Variants in BFSP2 observed in about 807,000 individuals in gnomAD.
BFSP2 encodes phakinin.
A neutral mutation model predicts 44.9 loss-of-function variants in BFSP2; 38 were observed. The ratio of observed to expected loss-of-function variants is 0.85; its 90% CI spans 0.65 to 1.11. The LOEUF (loss-of-function observed/expected upper bound fraction) is 1.11, where lower values mean the gene tolerates loss of function less well. Ranked by LOEUF, BFSP2 falls within the 50% of genes least tolerant of loss-of-function variation. BFSP2 has a pLI of 0.00. For missense variants in BFSP2, 525 were observed against 533.0 expected, an observed-to-expected ratio of 0.99 and a Z score of 0.15; for synonymous variants, 197 against 209.9, an observed-to-expected ratio of 0.94 and a Z score of 0.53.
intron 1 of BFSP2, among the ~76,000 whole-genome samples, chr3:133,431,425 C>T (rs2073716567): frequency 6.6e-6 from 1 of 152,160 alleles, no homozygotes; most frequent in Admixed American, 6.5e-5. Context: ...AATCTGACCA[C>T]CAGGCCAAGG....
chr3:133,414,715 C>G (rs80073401), intron 1 of BFSP2, among the ~76,000 whole-genome samples: 1 of 15,402 alleles, frequency 6.5e-5, no homozygotes, highest in Non-Finnish European at 1.5e-4. Flanking sequence ...CACCACTGCC[C>G]TATCCCCTCT....
At chr3:133,404,611 C>A (rs550719763) in intron 1 of BFSP2, among the ~76,000 whole-genome samples, 1 of 152,264 alleles carries the variant, frequency 6.6e-6, no homozygotes, top group East Asian at 1.9e-4. Context: ...CATGAGCATC[C>A]CCATTCCCCA....
rs186574158 is a variant in BFSP2, at chr3:133,450,394, C to A, written c.821C>A (p.Thr274Lys). The A allele has an allele frequency of 6.2e-7, 1 of 1,614,098 alleles. No homozygotes were observed. The highest frequency in any genetic ancestry group is 1.1e-5 in the South Asian group (1 of 91,080). Reference sequence around the variant, plus strand: ...ACTGGTCTGGACGACATCCTTGAGACGATCAGAATTCAGTGGGAGAGAGAT... The same window carrying A: ...ACTGGTCTGGACGACATCCTTGAGAAGATCAGAATTCAGTGGGAGAGAGAT... The part of the protein sequence containing the change: ...IGTGLDDILE[T>K]IRIQWERDVE... Residue 274 changes from threonine to lysine, a missense_variant, in exon 4 of 7, where the codon ACG becomes AAG. Coordinates refer to ENST00000302334, the MANE Select transcript of BFSP2 (RefSeq NM_003571.4).
intron 1 of BFSP2, among the ~76,000 whole-genome samples, chr3:133,414,717 ATCCCCTCTACTTACCCCTGCCATT>A (rs2073494832): frequency 1.1e-4 from 1 of 9,400 alleles, no homozygotes; most frequent in Non-Finnish European, 1.9e-4. Context: ...CCACTGCCCT[ATCCCCTCTACTTACCCCTGCCATT>A]TCCCCTCTAC....
chr3:133,466,972 A>G lies in BFSP2; in HGVS notation c.1023+13A>G. On this transcript the variant is annotated intron_variant, in intron 5 of 6. Transcript: ENST00000302334. ...CTTACGTGCCCTGGTAAGTGGGCCA[A>G]GGAAAGACCTGGTGTCCTTGTGCTA... The G allele has an allele frequency of 6.2e-7, 1 of 1,613,772 alleles. No individual in the cohort carries two copies. The highest frequency in any genetic ancestry group is 1.1e-5 in the South Asian group (1 of 91,060).
intron 1 of BFSP2, among the ~76,000 whole-genome samples, chr3:133,405,254 G>A (rs2073394890): frequency 6.6e-6 from 1 of 152,194 alleles, no homozygotes; most frequent in Admixed American, 6.5e-5. Flanking sequence ...GGTCTCCATG[G>A]GAGAAAACTG....
intron 1 of BFSP2, among the ~76,000 whole-genome samples, chr3:133,423,330 C>T (rs1326737589): frequency 6.6e-6 from 1 of 152,158 alleles, no homozygotes; most frequent in African/African-American, 2.4e-5. Flanking sequence ...TGAATTCCAA[C>T]GTCCTGTACT....
Position 133,431,640 on chromosome 3 carries a change from C to T in BFSP2, c.490-15677C>T, listed in dbSNP as rs190884574. On this transcript the variant is annotated intron_variant, in intron 1 of 6. Coordinates refer to ENST00000302334, the MANE Select transcript of BFSP2 (RefSeq NM_003571.4). ...CAGAAGCCCCGCAGACCATCACGGA[C>T]GCCGAGCTTTAGGTAACTCTCACAG... 5.1e-4 allele frequency among the ~76,000 whole-genome samples: 77 copies of T among 152,250 alleles called. 2 individuals are homozygous for T. The highest frequency in any genetic ancestry group is 1.3e-3 in the African/African-American group (54 of 41,526).
chr3:133,468,456 C>G (rs925915522), intron 5 of BFSP2, among the ~76,000 whole-genome samples: 5 of 152,178 alleles, frequency 3.3e-5, no homozygotes, highest in African/African-American at 1.2e-4. Context: ...AGGGATAACT[C>G]TTCTCTGTAT....
At chr3:133,452,106 T>G (rs2073970988) in intron 4 of BFSP2, among the ~76,000 whole-genome samples, 1 of 152,338 alleles carries the variant, frequency 6.6e-6, no homozygotes, top group South Asian at 2.1e-4. Flanking sequence ...AGAGGGACTT[T>G]GTGATTTTTA....
At chr3:133,441,214 T>A (rs1203225246) in intron 1 of BFSP2, among the ~76,000 whole-genome samples, 2 of 152,086 alleles carry the variant, frequency 1.3e-5, no homozygotes, top group Admixed American at 1.3e-4. Context: ...TTTTGTATTT[T>A]TAGTAGAGAC....
chr3:133,412,443 C>A (rs1003549597), intron 1 of BFSP2: 2 of 152,234 alleles, frequency 1.3e-5, no homozygotes, highest in Non-Finnish European at 2.9e-5. Context: ...CTTACATGAG[C>A]GCGTTGATCA....
At chr3:133,411,298 A>T (rs936657652) in intron 1 of BFSP2, among the ~76,000 whole-genome samples, 3 of 152,028 alleles carry the variant, frequency 2.0e-5, no homozygotes, top group African/African-American at 4.8e-5. Flanking sequence ...TTCTTATAAG[A>T]CCTATAGGTA....
chr3:133,440,713 G>A (rs2073836984), intron 1 of BFSP2, among the ~76,000 whole-genome samples: 1 of 152,130 alleles, frequency 6.6e-6, no homozygotes, highest in Non-Finnish European at 1.5e-5. Context: ...ACTTCTAGGG[G>A]CCAAGGTGAT....
At chr3:133,414,472 C>G (rs1267968634) in intron 1 of BFSP2, among the ~76,000 whole-genome samples, 1 of 100,044 alleles carries the variant, frequency 1.0e-5, no homozygotes, top group Non-Finnish European at 2.0e-5. Context: ...CCTGCCCTCT[C>G]TCCTCTACTC....
In BFSP2 at chr3:133,467,790, G is replaced by C. The variant is rs575617166; in HGVS notation, c.1023+831G>C. Among the ~76,000 whole-genome samples the C allele has an allele frequency of 1.0e-3, 159 of 152,258 alleles. 1 individual carries two copies. Among genetic ancestry groups the C allele is most frequent in the South Asian group, 4.4e-3 (21 of 4,814 alleles). Reference sequence around the variant, plus strand: ...TACAGCTTCGTTGGTGCAAATCAAAGGTTGGTCCATGTAATCCTTGTGCAG... The same window carrying C: ...TACAGCTTCGTTGGTGCAAATCAAACGTTGGTCCATGTAATCCTTGTGCAG... On this transcript the variant is annotated intron_variant, in intron 5 of 6. Transcript: ENST00000302334.
At chr3:133,470,951 A>G (rs2074156776) in intron 5 of BFSP2, among the ~76,000 whole-genome samples, 1 of 152,152 alleles carries the variant, frequency 6.6e-6, no homozygotes, top group Non-Finnish European at 1.5e-5. Flanking sequence ...CTTGGGGATG[A>G]GTAGGAGTGA....
chr3:133,422,447 C>T (rs1051364710), intron 1 of BFSP2, among the ~76,000 whole-genome samples: 5 of 152,214 alleles, frequency 3.3e-5, no homozygotes, highest in African/African-American at 1.2e-4. Context: ...CCTCTCTCTT[C>T]ACTTCTGTGT....
intron 4 of BFSP2, among the ~76,000 whole-genome samples, chr3:133,463,196 C>A (rs2074079750): frequency 6.6e-6 from 1 of 152,130 alleles, no homozygotes; most frequent in Non-Finnish European, 1.5e-5. Context: ...GTAATCTCAG[C>A]TACTCGGGAG....
Sources: gnomAD v4.1 joint callset for allele counts (sites outside exome capture counted in the v4.1 genomes callset) on GRCh38, gnomAD v4.1.1 for gene constraint, MANE v1.5 for transcripts, NCBI Gene and HGNC (gene_info 2026-07-23, HGNC 2026-07-21) for gene names.